OOEP: variants seen among roughly 807,000 people sequenced by gnomAD.
The protein encoded by OOEP is oocyte expressed protein.
In OOEP, 16 loss-of-function variants were observed where a neutral mutation model predicts 13.7. The observed-to-expected ratio is 1.16, with a 90% CI of 0.79 to 1.77. The LOEUF (loss-of-function observed/expected upper bound fraction) is 1.77. Ranked by LOEUF, OOEP falls within the 40% of genes most tolerant of loss-of-function variation. The pLI is 0.00. For missense variants in OOEP, 195 were observed against 193.1 expected (o/e 1.01, Z -0.06); for synonymous variants, 89 against 77.1 (o/e 1.15, Z -0.81).
In OOEP at chr6:73,394,978, CG is replaced by C. The variant is rs773010383; in HGVS notation, c.-379del. 3 of 1,614,122 alleles carry C rather than the reference CG, an allele frequency of 1.9e-6. No individual in the cohort carries two copies. The African/African-American group carries it at 4.0e-5, about 22-fold the overall frequency. ...TAGTCGGCGAAGCTCGACAGTGTCC[CG>C]AGCGCCAGAGAGGAGGCCGGCGGAG... On this transcript the variant is annotated 5_prime_UTR_variant, in exon 1 of 4. Coordinates refer to the OOEP transcript ENST00000370363.
rs190415506 is a variant in OOEP at position 73,380,935 on chromosome 6, G to T, written c.26-11550C>A. Among the ~76,000 whole-genome samples the T allele has an allele frequency of 1.4e-4, 21 of 152,056 alleles. No individual in the cohort carries two copies. In the East Asian group the frequency reaches 4.1e-3, roughly 29 times the overall value. ...AGGTCTAGGCGGGTGAATCACTTGG[G>T]GTTAGGAGTTCGAGACCAGCCTGGC... On this transcript the variant is annotated intron_variant, in intron 2 of 3. Coordinates refer to the OOEP transcript ENST00000370363.
intron 2 of OOEP, among the ~76,000 whole-genome samples, chr6:73,386,280 G>A (rs559885276): frequency 1.8e-4 from 28 of 151,806 alleles, no homozygotes; most frequent in Non-Finnish European, 3.2e-4. Context: ...TTTTAGTAGA[G>A]ACGGGGTTTC....
At chr6:73,376,337 A>G (rs1478730297) in intron 2 of OOEP, among the ~76,000 whole-genome samples, 1 of 114,946 alleles carries the variant, frequency 8.7e-6, no homozygotes, top group Non-Finnish European at 1.6e-5. Flanking sequence ...GTTTTGGACA[A>G]GGGGTTGTTT....
At chr6:73,386,275 G>T (rs773446402) in intron 2 of OOEP, among the ~76,000 whole-genome samples, 2 of 151,800 alleles carry the variant, frequency 1.3e-5, no homozygotes, top group Non-Finnish European at 2.9e-5. Context: ...TGTATTTTTA[G>T]TAGAGACGGG....
rs1355612361 is a variant in OOEP, at chr6:73,379,280, T to G, written c.26-9895A>C. ...CTCAAGCAATCCTCCTGCCTCAGCC[T>G]CCCAAAGTGCTAGGATTATAGGTGT... On this transcript the variant is annotated intron_variant, in intron 2 of 3. Coordinates refer to the OOEP transcript ENST00000370363. Among the ~76,000 whole-genome samples the G allele has an allele frequency of 7.4e-5, 11 of 148,658 alleles. No individual in the cohort carries two copies. The East Asian group carries it at 2.2e-3, about 30-fold the overall frequency.
chr6:73,378,009 A>G (rs1343642195), intron 2 of OOEP, among the ~76,000 whole-genome samples: 1 of 152,224 alleles, frequency 6.6e-6, no homozygotes, highest in East Asian at 1.9e-4. Flanking sequence ...CTTTCAAGTT[A>G]AAAACCTGAG....
intron 2 of OOEP, among the ~76,000 whole-genome samples, chr6:73,377,470 T>TATAC (rs2150780604): frequency 6.6e-6 from 1 of 152,270 alleles, no homozygotes; most frequent in South Asian, 2.1e-4. Flanking sequence ...TTCTCGTGAA[T>TATAC]ATACCATTTC....
chr6:73,390,827 C>T (rs1769338298), intron 2 of OOEP, among the ~76,000 whole-genome samples: 1 of 150,828 alleles, frequency 6.6e-6, no homozygotes, highest in Non-Finnish European at 1.5e-5. Context: ...GTCTCGAACT[C>T]CTGACCTCAG....
rs1417422797 is a variant in OOEP, at chr6:73,369,155, A to G, written c.370+51T>C. On this transcript the variant is annotated intron_variant, in intron 2 of 2. Coordinates refer to ENST00000370359, the MANE Select transcript of OOEP (RefSeq NM_001080507.3). ...GGATGGAAGGAAACCGAGCAAGGCCAGTATGGTCACTCGTGGCTTCCTCCA... is the reference window on the plus strand; with the variant it reads ...GGATGGAAGGAAACCGAGCAAGGCCGGTATGGTCACTCGTGGCTTCCTCCA... 4.5e-6 allele frequency: 7 copies of G among 1,541,930 alleles called. No individual in the cohort carries two copies. The African/African-American group carries it at 9.6e-5, about 21-fold the overall frequency.
chr6:73,387,460 G>A (rs1769289252), intron 2 of OOEP, among the ~76,000 whole-genome samples: 2 of 152,092 alleles, frequency 1.3e-5, no homozygotes, highest in Admixed American at 1.3e-4. Flanking sequence ...GTTGCAGTGA[G>A]CCGAGATAGC....
chr6:73,394,358 C>T (rs2150785114), exon 2 of OOEP: 1 of 715,336 alleles, frequency 1.4e-6, no homozygotes, highest in South Asian at 1.5e-5. Context: ...TTATGGGTCA[C>T]GGTTGAAAAC....
chr6:73,389,238 G>A (rs1315040935), intron 2 of OOEP, among the ~76,000 whole-genome samples: 1 of 152,148 alleles, frequency 6.6e-6, no homozygotes, highest in African/African-American at 2.4e-5. Flanking sequence ...ATGGCACCGA[G>A]GACCTGGGGC....
At chr6:73,391,341 T>C (rs538180162) in intron 2 of OOEP, 20 of 153,068 alleles carry the variant, frequency 1.3e-4, no homozygotes, top group African/African-American at 3.4e-4. Flanking sequence ...TTTAGAGAAA[T>C]TGAAGTTTTT....
exon 1 of OOEP, chr6:73,394,804 T>G (rs1327062707): frequency 2.0e-6 from 3 of 1,522,394 alleles, no homozygotes; most frequent in Admixed American, 2.0e-5. Context: ...GCTCCTTAAG[T>G]AGCGGCTGCG....
chr6:73,393,284 G>A (rs1327430522), intron 2 of OOEP, among the ~76,000 whole-genome samples: 2 of 151,912 alleles, frequency 1.3e-5, no homozygotes, highest in African/African-American at 4.8e-5. Context: ...ACCCGGCAGG[G>A]TCTCACTATG....
intron 2 of OOEP, among the ~76,000 whole-genome samples, chr6:73,385,470 C>T (rs1769260644): frequency 6.6e-6 from 1 of 151,974 alleles, no homozygotes; most frequent in African/African-American, 2.4e-5. Flanking sequence ...ATTAATATGC[C>T]ATATTAATAG....
At chr6:73,378,184 C>T (rs1429780280) in intron 2 of OOEP, among the ~76,000 whole-genome samples, 1 of 151,864 alleles carries the variant, frequency 6.6e-6, no homozygotes, top group Non-Finnish European at 1.5e-5. Context: ...CTCACCACAA[C>T]CTCCACTTCC....
chr6:73,373,453 T>A (rs1417197994), upstream of OOEP, among the ~76,000 whole-genome samples: 1 of 152,212 alleles, frequency 6.6e-6, no homozygotes, highest in Non-Finnish European at 1.5e-5. Flanking sequence ...GACAGAGGTC[T>A]CCCTATGTTG....
At position 73,368,692 on chromosome 6, in the gene OOEP, T is replaced by G; in HGVS notation, c.*92A>C. Reference sequence around the variant, plus strand: ...TCCATCAAGACACAGGAAAAAGGAATACGGGGATTTAAGAATGCTATACTT... The same window carrying G: ...TCCATCAAGACACAGGAAAAAGGAAGACGGGGATTTAAGAATGCTATACTT... On this transcript the variant is annotated 3_prime_UTR_variant, in exon 3 of 3. Transcript: ENST00000370359. 1.2e-6 allele frequency: 1 copy of G among 807,012 alleles called. No individual in the cohort carries two copies. Among genetic ancestry groups the G allele is most frequent in the Non-Finnish European group, 2.1e-6 (1 of 469,070 alleles). The allele number at this position is 807,012 out of a possible 1,614,324, so 50.0% of individuals were successfully genotyped here.
Sources: gnomAD v4.1 joint callset for allele counts (sites outside exome capture counted in the v4.1 genomes callset) on GRCh38, gnomAD v4.1.1 for gene constraint, MANE v1.5 for transcripts, NCBI Gene and HGNC (gene_info 2026-07-23, HGNC 2026-07-21) for gene names.